Variants in DPF3 observed in about 807,000 individuals in gnomAD.
DPF3 encodes zinc finger protein DPF3.
Under a neutral mutation model 56.8 loss-of-function variants are expected in DPF3, and 18 were observed. The ratio of observed to expected loss-of-function variants is 0.32; its 90% CI spans 0.22 to 0.47. DPF3 has a LOEUF of 0.47. Among genes scored for constraint, DPF3 ranks in the 20% least tolerant of loss-of-function variants. The pLI is 1.00. For synonymous variants in DPF3, 188 were observed against 180.2 expected, an observed-to-expected ratio of 1.04 and a Z score of -0.35; for missense variants, 403 against 488.8, an observed-to-expected ratio of 0.82 and a Z score of 1.65.
At chr14:72,819,831 G>T (rs1325494324) in intron 1 of DPF3, among the ~76,000 whole-genome samples, 2 of 152,168 alleles carry the variant, frequency 1.3e-5, no homozygotes, top group Non-Finnish European at 2.9e-5. Flanking sequence ...CCAGCTACTA[G>T]GGAGACTGAG....
intron 1 of DPF3, among the ~76,000 whole-genome samples, chr14:72,785,999 C>T (rs770494391): frequency 1.5e-4 from 23 of 152,204 alleles, no homozygotes; most frequent in Non-Finnish European, 3.1e-4. Flanking sequence ...CAGTGGCTCA[C>T]GCCTGTAATG....
intron 1 of DPF3, among the ~76,000 whole-genome samples, chr14:72,795,854 CT>C (rs1441702370): frequency 2.0e-5 from 3 of 152,236 alleles, no homozygotes; most frequent in Non-Finnish European, 4.4e-5. Flanking sequence ...AGCCCGCACA[CT>C]TCTCTCTTCC....
intron 9 of DPF3, among the ~76,000 whole-genome samples, chr14:72,629,353 G>A (rs1205874275): frequency 6.6e-6 from 1 of 152,164 alleles, no homozygotes; most frequent in African/African-American, 2.4e-5. Flanking sequence ...AAATGTTCTT[G>A]AAAATTTTGC....
In DPF3 at chr14:72,771,807, G is replaced by A. The variant is rs1313199869; in HGVS notation, c.119C>T (p.Pro40Leu). The A allele has an allele frequency of 6.2e-7, 1 of 1,613,902 alleles. No homozygotes were observed. Among genetic ancestry groups the A allele is most frequent in the Admixed American group, 1.7e-5 (1 of 60,012 alleles). ...RLCAERSVRLPFLDSQTGVAQ... is the reference protein window; with the variant it reads ...RLCAERSVRLLFLDSQTGVAQ... ...CACCCCAGTCTGTGAGTCCAGGAAG[G>A]GAAGACGCACGCTGCGCTCTGCACA... The change falls in exon 2 of 11, where the codon CCC becomes CTC. Residue 40 changes from proline (P) to leucine (L), a missense_variant. By Grantham distance (98) the Pro-to-Leu change is moderately conservative. Coordinates refer to ENST00000556509, the MANE Select transcript of DPF3 (RefSeq NM_001280542.3).
At position 72,848,784 on chromosome 14, in the gene DPF3, T is replaced by C. The variant is rs1001352885; in HGVS notation, c.32+45273A>G. Among the ~76,000 whole-genome samples the C allele has an allele frequency of 3.3e-5, 5 of 152,284 alleles. No individual in the cohort carries two copies. In the South Asian group the frequency reaches 6.2e-4, roughly 19 times the overall value. ...AGAGAGAGTAGGTTTAGGAAAGCAT[T>C]TGCAATAGGAAAGGGGTAAGCTTTC... On this transcript the variant is annotated intron_variant, in intron 1 of 10. Coordinates refer to ENST00000556509, the MANE Select transcript of DPF3 (RefSeq NM_001280542.3).
At chr14:72,764,857 C>A (rs1891211591) in intron 2 of DPF3, among the ~76,000 whole-genome samples, 1 of 152,172 alleles carries the variant, frequency 6.6e-6, no homozygotes, top group South Asian at 2.1e-4. Flanking sequence ...ATTTATAGCC[C>A]ATAGGTCAGA....
At chr14:72,742,750 G>C (rs1460203354) in intron 3 of DPF3, 2 of 152,452 alleles carry the variant, frequency 1.3e-5, no homozygotes, top group Non-Finnish European at 2.9e-5. Flanking sequence ...AAAAGCAGTA[G>C]GGAACTAATT....
At chr14:72,790,579 A>C (rs1320397460) in intron 1 of DPF3, among the ~76,000 whole-genome samples, 1 of 152,152 alleles carries the variant, frequency 6.6e-6, no homozygotes, top group African/African-American at 2.4e-5. Flanking sequence ...GAGGTAGAGA[A>C]TATTGTCTTT....
chr14:72,832,490 C>T (rs1486821887), intron 1 of DPF3, among the ~76,000 whole-genome samples: 1 of 152,098 alleles, frequency 6.6e-6, no homozygotes, highest in Non-Finnish European at 1.5e-5. Context: ...AATCCAAATA[C>T]GATTTCAGAT....
At chr14:72,781,598 C>T (rs544832634) in intron 1 of DPF3, among the ~76,000 whole-genome samples, 1 of 152,246 alleles carries the variant, frequency 6.6e-6, no homozygotes, top group East Asian at 1.9e-4. Flanking sequence ...TTCTGAGCCG[C>T]CACTGGGTGT....
chr14:72,845,483 C>G (rs1884712957), intron 1 of DPF3, among the ~76,000 whole-genome samples: 1 of 152,190 alleles, frequency 6.6e-6, no homozygotes, highest in Non-Finnish European at 1.5e-5. Flanking sequence ...CTGGCCCACT[C>G]CTGCTGGCCT....
At chr14:72,807,175 G>A (rs777176806) in intron 1 of DPF3, among the ~76,000 whole-genome samples, 1 of 152,094 alleles carries the variant, frequency 6.6e-6, no homozygotes, top group Non-Finnish European at 1.5e-5. Context: ...CACCTATTCA[G>A]GACACAAACT....
At chr14:72,732,920 T>TTCTC (rs943259106) in intron 3 of DPF3, among the ~76,000 whole-genome samples, 2 of 151,128 alleles carry the variant, frequency 1.3e-5, no homozygotes, top group Non-Finnish European at 3.0e-5. Context: ...CTTTCTTTCT[T>TTCTC]TCTCTCTCTC....
chr14:72,717,943 T>C (rs1323402248), intron 5 of DPF3, among the ~76,000 whole-genome samples: 6 of 152,262 alleles, frequency 3.9e-5, no homozygotes, highest in Non-Finnish European at 7.3e-5. Context: ...CCTGTCCCAC[T>C]GGCCACAGTT....
chr14:72,853,621 C>T (rs3742834), intron 1 of DPF3, among the ~76,000 whole-genome samples: 123 of 152,036 alleles, frequency 8.1e-4, no homozygotes, highest in African/African-American at 2.7e-3. Flanking sequence ...ACTACAGGCG[C>T]GGACCACCAT....
intron 1 of DPF3, among the ~76,000 whole-genome samples, chr14:72,831,964 T>G (rs891117062): frequency 2.0e-5 from 3 of 152,216 alleles, no homozygotes; most frequent in African/African-American, 7.2e-5. Flanking sequence ...ATGCCTGTAA[T>G]CCCAGCACTT....
intron 1 of DPF3, among the ~76,000 whole-genome samples, chr14:72,821,218 A>T (rs1021545860): frequency 1.1e-4 from 17 of 152,016 alleles, no homozygotes; most frequent in Non-Finnish European, 1.8e-4. Context: ...TGGGAGGCAG[A>T]GTCTGCAGTG....
chr14:72,686,758 T>C (rs1887430752), intron 7 of DPF3, among the ~76,000 whole-genome samples: 1 of 152,276 alleles, frequency 6.6e-6, no homozygotes, highest in African/African-American at 2.4e-5. Context: ...AAGAGCTCTG[T>C]ATCTAAACTT....
At chr14:72,679,749 G>A (rs923966911) in intron 7 of DPF3, among the ~76,000 whole-genome samples, 3 of 152,178 alleles carry the variant, frequency 2.0e-5, no homozygotes, top group Non-Finnish European at 2.9e-5. Flanking sequence ...TGCTAGCCCC[G>A]TGCCACTTGG....
Sources: gnomAD v4.1 joint callset for allele counts (sites outside exome capture counted in the v4.1 genomes callset) on GRCh38, gnomAD v4.1.1 for gene constraint, MANE v1.5 for transcripts, NCBI Gene and HGNC (gene_info 2026-07-23, HGNC 2026-07-21) for gene names.